The following ESRRG variants were observed in gnomAD, a reference collection of about 807,000 sequenced individuals.
The protein encoded by ESRRG is estrogen related receptor gamma.
Under a neutral mutation model 44.0 loss-of-function variants are expected in ESRRG, and 13 were observed. That is an observed-to-expected ratio of 0.30 (90% CI 0.19 to 0.47). ESRRG has a LOEUF of 0.47. Among genes scored for constraint, ESRRG ranks in the 20% least tolerant of loss-of-function variants. ESRRG has a pLI of 1.00. For synonymous variants in ESRRG, 215 were observed against 214.6 expected (o/e 1.00, Z -0.02); for missense variants, 395 against 580.6 (o/e 0.68, Z 3.29).
At chr1:217,012,820 G>T (rs2078825030) in intron 1 of ESRRG, among the ~76,000 whole-genome samples, 1 of 152,008 alleles carries the variant, frequency 6.6e-6, no homozygotes, top group Non-Finnish European at 1.5e-5. Context: ...TTCATAGTTT[G>T]CCCTAGGGCT....
At chr1:216,990,479 T>C (rs934869901) in intron 1 of ESRRG, among the ~76,000 whole-genome samples, 5 of 152,292 alleles carry the variant, frequency 3.3e-5, no homozygotes, top group African/African-American at 7.2e-5. Flanking sequence ...GTTAATTTCA[T>C]ATAGTGTTGA....
At chr1:217,023,119 A>G (rs1007238661) in intron 1 of ESRRG, among the ~76,000 whole-genome samples, 4 of 152,210 alleles carry the variant, frequency 2.6e-5, no homozygotes, top group African/African-American at 9.6e-5. Context: ...CTAATGCAAT[A>G]TATTAATTTA....
At chr1:216,882,961 A>G (rs1429402988) in intron 2 of ESRRG, among the ~76,000 whole-genome samples, 2 of 152,108 alleles carry the variant, frequency 1.3e-5, no homozygotes, top group Non-Finnish European at 2.9e-5. Flanking sequence ...CTCTAAAAGC[A>G]TAAGTCTATA....
chr1:216,989,454 A>G (rs1312706447), intron 1 of ESRRG, among the ~76,000 whole-genome samples: 3 of 147,090 alleles, frequency 2.0e-5, no homozygotes, highest in South Asian at 4.3e-4. Flanking sequence ...AAAAAAACAC[A>G]GTGGGAGTGA....
At chr1:216,515,270 T>C (rs894001752) in intron 6 of ESRRG, among the ~76,000 whole-genome samples, 2 of 152,062 alleles carry the variant, frequency 1.3e-5, no homozygotes, top group African/African-American at 4.8e-5. Flanking sequence ...CACGTATGTA[T>C]ATATGTGTGT....
chr1:216,786,036 A>C (rs1293038262), intron 2 of ESRRG, among the ~76,000 whole-genome samples: 1 of 152,110 alleles, frequency 6.6e-6, no homozygotes, highest in Non-Finnish European at 1.5e-5. Context: ...GAACATGTCT[A>C]TCCGCTGCTC....
intron 2 of ESRRG, among the ~76,000 whole-genome samples, chr1:216,782,946 T>G (rs1208028139): frequency 6.6e-6 from 1 of 152,070 alleles, no homozygotes; most frequent in East Asian, 1.9e-4. Context: ...GATACTGTTC[T>G]CCTTCTCTTA....
At chr1:216,696,441 C>T (rs1019039165) in intron 1 of ESRRG, among the ~76,000 whole-genome samples, 1 of 151,994 alleles carries the variant, frequency 6.6e-6, no homozygotes, top group Admixed American at 6.6e-5. Context: ...CCATGATGTA[C>T]CTGTCTTGAC....
chr1:216,564,378 T>C lies in ESRRG; in HGVS notation c.703A>G (p.Asn235Asp), dbSNP rs1203404952. ...ACCAACAAATGTGAGACAATCTTGT[T>C]ATCTGCAGGATCAGACCAGAGCACT... ...QLVQPAKKPYNKIVSHLLVAE... is the reference protein window; with the variant it reads ...QLVQPAKKPYDKIVSHLLVAE... Residue 235 changes from asparagine to aspartate, a missense_variant and splice_region_variant, in exon 5 of 7, where the codon AAC becomes GAC. Coordinates refer to ENST00000408911, the MANE Select transcript of ESRRG (RefSeq NM_001438.4). 6.2e-7 allele frequency: 1 copy of C among 1,608,934 alleles called. No homozygotes were observed. The highest frequency in any genetic ancestry group is 1.1e-5 in the South Asian group (1 of 90,372).
At chr1:216,834,946 A>T (rs1006774093) in intron 2 of ESRRG, among the ~76,000 whole-genome samples, 1 of 152,212 alleles carries the variant, frequency 6.6e-6, no homozygotes, top group Admixed American at 6.5e-5. Context: ...ATTGAAGTAC[A>T]GTAGGGAGGC....
In ESRRG at chr1:216,971,885, A is replaced by G. The variant is rs149943888; in HGVS notation, c.-105-32212T>C. On this transcript the variant is annotated intron_variant, in intron 1 of 7. Transcript: ENST00000359162. ...GAAGATTATCTCTTTTCCTTCAGCT[A>G]CGCTAATCTCTTCTAGCCTGAAGGC... Among the ~76,000 whole-genome samples, 709 of 152,328 alleles carry G rather than the reference A, an allele frequency of 4.7e-3. 9 individuals carry two copies. The highest frequency in any genetic ancestry group is 0.016 in the African/African-American group (672 of 41,580).
At chr1:216,909,264 A>G (rs1429650306) in intron 2 of ESRRG, among the ~76,000 whole-genome samples, 2 of 152,322 alleles carry the variant, frequency 1.3e-5, no homozygotes, top group East Asian at 3.9e-4. Context: ...TCAAAAGCAC[A>G]TGCAATTTAG....
At chr1:216,639,284 A>G (rs1251683597) in intron 3 of ESRRG, among the ~76,000 whole-genome samples, 1 of 152,192 alleles carries the variant, frequency 6.6e-6, no homozygotes, top group African/African-American at 2.4e-5. Flanking sequence ...AAAAAAGAAC[A>G]AACTTAATGG....
chr1:216,904,724 AT>A (rs2059494930), intron 2 of ESRRG, among the ~76,000 whole-genome samples: 1 of 152,164 alleles, frequency 6.6e-6, no homozygotes. Flanking sequence ...GTGGGTTCAG[AT>A]TTTAGAAACA....
chr1:216,680,114 T>C (rs2076788825), intron 1 of ESRRG, among the ~76,000 whole-genome samples: 1 of 152,216 alleles, frequency 6.6e-6, no homozygotes, highest in East Asian at 1.9e-4. Context: ...AGGTTGTACG[T>C]GTTTTTGGCC....
At chr1:216,730,897 G>A (rs1159088731) in intron 2 of ESRRG, among the ~76,000 whole-genome samples, 1 of 152,152 alleles carries the variant, frequency 6.6e-6, no homozygotes, top group Non-Finnish European at 1.5e-5. Flanking sequence ...TCTTCTGATA[G>A]CTAAGAAGGA....
rs370580676 is a variant in ESRRG, at chr1:216,925,532, G to GT, written c.-14+14049dup. Among the ~76,000 whole-genome samples the GT allele has an allele frequency of 3.3e-3, 498 of 152,090 alleles. 2 individuals carry two copies. Among genetic ancestry groups the GT allele is most frequent in the African/African-American group, 0.011 (453 of 41,482 alleles). ...GTATTTCAATTTTATATCTTCTAAG[G>GT]TTATTCTCAAATACAAGAGAAGAAC... On this transcript the variant is annotated intron_variant, in intron 2 of 7. Transcript: ENST00000359162.
At chr1:216,925,047 C>A (rs1461727521) in intron 2 of ESRRG, among the ~76,000 whole-genome samples, 1 of 152,098 alleles carries the variant, frequency 6.6e-6, no homozygotes, top group Non-Finnish European at 1.5e-5. Flanking sequence ...TCTGAGCCAC[C>A]TTATCAAGCA....
chr1:216,881,375 A>AT (rs2096444689), intron 2 of ESRRG, among the ~76,000 whole-genome samples: 1 of 152,112 alleles, frequency 6.6e-6, no homozygotes, highest in Non-Finnish European at 1.5e-5. Context: ...ATGGAAAGTC[A>AT]TTTTTCAGAG....
Sources: gnomAD v4.1 joint callset for allele counts (sites outside exome capture counted in the v4.1 genomes callset) on GRCh38, gnomAD v4.1.1 for gene constraint, MANE v1.5 for transcripts, NCBI Gene and HGNC (gene_info 2026-07-23, HGNC 2026-07-21) for gene names.